Variants in MYH9 observed in about 807,000 individuals in gnomAD.
The protein encoded by MYH9 is myosin heavy chain 9, also known as myosin-9.
A neutral mutation model predicts 241.9 loss-of-function variants in MYH9; 29 were observed. The ratio of observed to expected loss-of-function variants is 0.12; its 90% CI spans 0.09 to 0.16. The LOEUF (loss-of-function observed/expected upper bound fraction) is 0.16, where lower values mean the gene tolerates loss of function less well. Ranked by LOEUF, MYH9 falls within the 10% of genes least tolerant of loss-of-function variation. The pLI is 1.00. For missense variants in MYH9, 1,803 were observed against 2,595.5 expected (o/e 0.69, Z 6.63); for synonymous variants, 1,047 against 1,062.6 (o/e 0.99, Z 0.29).
intron 1 of MYH9, among the ~76,000 whole-genome samples, chr22:36,382,785 AG>A (rs1315096526): frequency 6.6e-6 from 1 of 152,198 alleles, no homozygotes; most frequent in African/African-American, 2.4e-5. Context: ...CCTGGGCAAC[AG>A]AGTGAGACCC....
chr22:36,344,785 T>C (rs1368759864), intron 2 of MYH9, among the ~76,000 whole-genome samples: 1 of 152,174 alleles, frequency 6.6e-6, no homozygotes, highest in Admixed American at 6.5e-5. Context: ...ATCTGAATAA[T>C]GACTGTTCCC....
At position 36,295,396 on chromosome 22, in the gene MYH9, G is replaced by T; in HGVS notation, c.3485+109C>A. 1.1e-6 allele frequency: 1 copy of T among 919,984 alleles called. No homozygotes were observed. The highest frequency in any genetic ancestry group is 1.7e-6 in the Non-Finnish European group (1 of 587,968). The allele number at this position is 919,984 out of a possible 1,614,324, so 57.0% of individuals were successfully genotyped here. Reference sequence around the variant, plus strand: ...TCCATGCCTGCTGGTGCCTAAGAGGGCCACGGTGTGTGTGTGTGTGTGTGT... The same window carrying T: ...TCCATGCCTGCTGGTGCCTAAGAGGTCCACGGTGTGTGTGTGTGTGTGTGT... On this transcript the variant is annotated intron_variant, in intron 26 of 40. Transcript: ENST00000216181. The surrounding 1 kb of genome is among the most constrained non-coding windows in gnomAD (Gnocchi z 4.1).
At position 36,320,077 on chromosome 22, in the gene MYH9, C is replaced by A; in HGVS notation, c.1012+143G>T. On this transcript the variant is annotated intron_variant, in intron 9 of 40. Coordinates refer to ENST00000216181, the MANE Select transcript of MYH9 (RefSeq NM_002473.6). The surrounding 1 kb of genome is among the most constrained non-coding windows in gnomAD (Gnocchi z 4.8). The stretch of plus-strand genomic sequence containing the variant: ...ACCTTGAACCTCAAATCTGAGGAAT[C>A]ATTTTCCCATACACTGAAGGCCTTC... The A allele has an allele frequency of 1.8e-6, 2 of 1,138,142 alleles. No homozygotes were observed. The highest frequency in any genetic ancestry group is 1.3e-6 in the Non-Finnish European group (1 of 785,170). 70.5% of individuals were successfully genotyped at this position (1,138,142 alleles called of 1,614,324 possible).
At chr22:36,354,696 G>A (rs1186231122) in intron 1 of MYH9, among the ~76,000 whole-genome samples, 12 of 151,698 alleles carry the variant, frequency 7.9e-5, no homozygotes, top group African/African-American at 2.4e-4. Context: ...TGCCTGCCTC[G>A]GCCTCCCAAA....
Position 36,295,389 on chromosome 22 carries a change from T to C in MYH9, c.3485+116A>G. On this transcript the variant is annotated intron_variant, in intron 26 of 40. Transcript: ENST00000216181. This position sits in a 1 kb window ranked among gnomAD's most constrained non-coding sequence, Gnocchi z 4.1. Reference sequence around the variant, plus strand: ...AGCAGCTTCCATGCCTGCTGGTGCCTAAGAGGGCCACGGTGTGTGTGTGTG... The same window carrying C: ...AGCAGCTTCCATGCCTGCTGGTGCCCAAGAGGGCCACGGTGTGTGTGTGTG... 1.1e-6 allele frequency: 1 copy of C among 893,260 alleles called. No individual in the cohort carries two copies. Among genetic ancestry groups the C allele is most frequent in the Non-Finnish European group, 1.8e-6 (1 of 563,620 alleles). The allele number at this position is 893,260 out of a possible 1,614,324, so 55.3% of individuals were successfully genotyped here. A position where few individuals can be genotyped will look rare whatever the true frequency, so the allele number is the denominator to read the frequency against.
chr22:36,302,353 A>G (rs540805673), intron 20 of MYH9: 2 of 496,404 alleles, frequency 4.0e-6, no homozygotes, highest in South Asian at 2.0e-5. Flanking sequence ...TGTCTCTACT[A>G]AAAATCAAAA....
rs750337577 is a variant in MYH9 at position 36,300,278 on chromosome 22, G to T, written c.2839-14C>A. On this transcript the variant is annotated splice_polypyrimidine_tract_variant and intron_variant, in intron 22 of 40. Transcript: ENST00000216181. The surrounding 1 kb of genome is among the most constrained non-coding windows in gnomAD (Gnocchi z 5.0). ...CTCCTCAAGCTCCTGCCGGGGGCCA[G>T]AGACACGGTAAGGACAGCAGGCCCA... 1 of 1,612,008 alleles carries T rather than the reference G, an allele frequency of 6.2e-7. No individual in the cohort carries two copies. Among genetic ancestry groups the T allele is most frequent in the Non-Finnish European group, 8.5e-7 (1 of 1,180,026 alleles).
intron 1 of MYH9, among the ~76,000 whole-genome samples, chr22:36,375,020 G>A (rs1487995129): frequency 6.6e-6 from 1 of 152,146 alleles, no homozygotes; most frequent in East Asian, 1.9e-4. Context: ...TCGGTATCTG[G>A]TGGGAGACCA....
chr22:36,331,955 T>A (rs1053776513), intron 3 of MYH9, among the ~76,000 whole-genome samples: 3 of 152,046 alleles, frequency 2.0e-5, no homozygotes, highest in Admixed American at 1.3e-4. Context: ...CACCAGGGAG[T>A]CTTCTGCTTT....
At chr22:36,334,706 G>A (rs908441579) in intron 3 of MYH9, among the ~76,000 whole-genome samples, 3 of 152,162 alleles carry the variant, frequency 2.0e-5, no homozygotes, top group Non-Finnish European at 4.4e-5. Flanking sequence ...GTGGAAGGCG[G>A]GGCAGTTCAG....
intron 2 of MYH9, among the ~76,000 whole-genome samples, chr22:36,344,761 C>T (rs1603483944): frequency 6.6e-6 from 1 of 152,360 alleles, no homozygotes; most frequent in East Asian, 1.9e-4. Context: ...GACGCAGCCA[C>T]TAACACTGAA....
Position 36,296,902 on chromosome 22 carries a change from G to A in MYH9, c.3213C>T (p.Ile1071=), listed in dbSNP as rs552133535. The A allele has an allele frequency of 6.8e-5, 109 of 1,613,746 alleles. No homozygotes were observed. In the South Asian group the frequency reaches 7.7e-4, roughly 11 times the overall value. The change falls in exon 25 of 41, where the codon ATC becomes ATT. Residue 1071 remains isoleucine, a synonymous_variant. Coordinates refer to ENST00000216181, the MANE Select transcript of MYH9 (RefSeq NM_002473.6). ...SDQIAELQAQ[I]AELKMQLAKK... ...TGGCCAGCTGCATCTTGAGCTCCGC[G>A]ATCTGGGCCTGGAGCTCGGCGATCT... is the stretch of plus-strand genomic sequence containing the variant.
At chr22:36,342,697 T>C (rs1327608263) in intron 2 of MYH9, among the ~76,000 whole-genome samples, 1 of 151,252 alleles carries the variant, frequency 6.6e-6, no homozygotes, top group Admixed American at 6.6e-5. Context: ...TGGCAGATGT[T>C]CAGTTGGGGA....
intron 4 of MYH9, 151 bp downstream of exon 4, chr22:36,327,310 C>A: frequency 2.4e-6 from 2 of 845,870 alleles, no homozygotes; most frequent in Non-Finnish European, 2.0e-6. Context: ...AACACACAAA[C>A]TGAAGTCCTA....
chr22:36,288,336 C>A lies in MYH9; in HGVS notation c.4848G>T (p.Glu1616Asp), dbSNP rs760064629. ...GCGCCTCCAGGTCCTTCAGGTCCAT[C>A]TCCAGCTTCTTCCGGGCGGCCACTG... The part of the protein sequence containing the change: ...SMAVAARKKL[E>D]MDLKDLEAHI... Residue 1616 changes from glutamate to aspartate, a missense_variant, in exon 34 of 41, where the codon GAG (glutamate) becomes GAT (aspartate). Glu to Asp is a conservative substitution (Grantham distance 45, BLOSUM62 2). Around this residue, in one of 11 missense-constraint regions of MYH9, gnomAD observed 876 missense variants for 1,077.8 expected, o/e 0.81. Transcript: ENST00000216181. This position sits in a 1 kb window ranked among gnomAD's most constrained non-coding sequence, Gnocchi z 4.8. 6.2e-7 allele frequency: 1 copy of A among 1,614,094 alleles called. No homozygotes were observed. The highest frequency in any genetic ancestry group is 8.5e-7 in the Non-Finnish European group (1 of 1,180,024).
chr22:36,290,516 G>A (rs1182475336), intron 31 of MYH9, among the ~76,000 whole-genome samples: 1 of 152,268 alleles, frequency 6.6e-6, no homozygotes, highest in East Asian at 1.9e-4. Context: ...CCTCCCAGCC[G>A]CCTGCCTTGG....
chr22:36,287,470 G>A (rs1042969076), intron 34 of MYH9, among the ~76,000 whole-genome samples: 7 of 151,610 alleles, frequency 4.6e-5, no homozygotes, highest in Admixed American at 2.6e-4. Context: ...TTGGCCGGGC[G>A]CAGTGGCTCA....
intron 1 of MYH9, among the ~76,000 whole-genome samples, chr22:36,379,544 T>C (rs2146425674): frequency 6.6e-6 from 1 of 152,322 alleles, no homozygotes; most frequent in South Asian, 2.1e-4. Context: ...GACATCATCT[T>C]GGCCTAAGAA....
At chr22:36,374,970 T>C (rs2018144146) in intron 1 of MYH9, among the ~76,000 whole-genome samples, 1 of 152,128 alleles carries the variant, frequency 6.6e-6, no homozygotes, top group Non-Finnish European at 1.5e-5. Flanking sequence ...CCAGGAAGCC[T>C]TCTCAGACTC....
Sources: gnomAD v4.1 joint callset for allele counts (sites outside exome capture counted in the v4.1 genomes callset) on GRCh38, gnomAD v4.1.1 for gene constraint, gnomAD v4.1.1 regional missense constraint, Gnocchi (gnomAD v3.1) non-coding constraint, MANE v1.5 for transcripts, NCBI Gene and HGNC (gene_info 2026-07-23, HGNC 2026-07-21) for gene names.